The following ADAM17 variants were observed in gnomAD, a reference collection of about 807,000 sequenced individuals.
The protein encoded by ADAM17 is ADAM metallopeptidase domain 17.
ADAM17 carries 39 observed loss-of-function variants against 96.7 expected under a neutral mutation model. That is an observed-to-expected ratio of 0.40 (90% CI 0.31 to 0.53). The LOEUF is 0.53. Among genes scored for constraint, ADAM17 ranks in the 20% least tolerant of loss-of-function variants. The probability of loss-of-function intolerance (pLI) is 0.44; values close to 1 mark genes in which losing one functional copy is unlikely to be tolerated. For synonymous variants in ADAM17, 344 were observed against 359.2 expected (o/e 0.96, Z 0.48); for missense variants, 777 against 1,013.2 (o/e 0.77, Z 3.17).
At position 9,555,623 on chromosome 2, in the gene ADAM17, C is replaced by A. The variant is rs201127286; in HGVS notation, c.-18G>T. ...TGCCTCATGTTCCCGGCCCCGCTAC[C>A]GACTCCACCTCTCTGGGCAGCCTTC... On this transcript the variant is annotated 5_prime_UTR_variant, in exon 1 of 19. Coordinates refer to ENST00000310823, the MANE Select transcript of ADAM17 (RefSeq NM_003183.6). 25 of 1,547,506 alleles carry A rather than the reference C, an allele frequency of 1.6e-5. No individual in the cohort carries two copies. Among genetic ancestry groups the A allele is most frequent in the Non-Finnish European group, 2.2e-5 (25 of 1,143,910 alleles).
intron 8 of ADAM17, among the ~76,000 whole-genome samples, chr2:9,519,963 C>G (rs1396169099): frequency 6.6e-6 from 1 of 152,208 alleles, no homozygotes; most frequent in Non-Finnish European, 1.5e-5. Flanking sequence ...CTCAACCAAC[C>G]TCTCAGGGTG....
chr2:9,511,839 T>A (rs1243749125), intron 10 of ADAM17, among the ~76,000 whole-genome samples: 1 of 151,452 alleles, frequency 6.6e-6, no homozygotes, highest in Non-Finnish European at 1.5e-5. Context: ...GGCATTGTGG[T>A]GGGCGCCTGT....
chr2:9,543,374 T>A (rs918685978), intron 1 of ADAM17, 89 bp from the exon 2 acceptor site: 1 of 1,203,716 alleles, frequency 8.3e-7, no homozygotes, highest in African/African-American at 1.6e-5. Context: ...AATAAATCTT[T>A]CCTGATGTAA....
chr2:9,532,638 A>ATTTTTT (rs70948827), intron 4 of ADAM17, among the ~76,000 whole-genome samples: 7 of 114,264 alleles, frequency 6.1e-5, no homozygotes, highest in African/African-American at 1.4e-4. Flanking sequence ...TGCCCAGCTA[A>ATTTTTT]TTTTTTTTTT....
intron 7 of ADAM17, chr2:9,522,531 T>A (rs1470098613): frequency 2.0e-6 from 1 of 501,788 alleles, no homozygotes; most frequent in Non-Finnish European, 3.6e-6. Flanking sequence ...TTAACATTTA[T>A]AAACATGGTG....
chr2:9,519,600 C>T (rs1462575008), intron 8 of ADAM17, among the ~76,000 whole-genome samples: 1 of 152,072 alleles, frequency 6.6e-6, no homozygotes, highest in African/African-American at 2.4e-5. Flanking sequence ...CAACAGTACC[C>T]CAGAATGTGA....
At chr2:9,506,785 A>T (rs960022507) in intron 11 of ADAM17, 2 of 152,080 alleles carry the variant, frequency 1.3e-5, no homozygotes, top group Non-Finnish European at 2.9e-5. Flanking sequence ...CCATTTTATC[A>T]GGTTAAAATG....
At chr2:9,548,498 AAAAC>A (rs1402519444) in intron 1 of ADAM17, among the ~76,000 whole-genome samples, 2 of 151,856 alleles carry the variant, frequency 1.3e-5, no homozygotes, top group Non-Finnish European at 2.9e-5. Flanking sequence ...AAAAAAAAAG[AAAAC>A]AAAACAAGAG....
chr2:9,516,248 T>G (rs186477160), intron 10 of ADAM17, among the ~76,000 whole-genome samples: 39 of 152,188 alleles, frequency 2.6e-4, no homozygotes, highest in Admixed American at 1.2e-3. Flanking sequence ...AAATTTTTAT[T>G]TATTTATTTA....
In ADAM17 at chr2:9,543,180, G is replaced by A. The variant is rs1302226308; in HGVS notation, c.203C>T (p.Thr68Ile). 1 of 1,597,068 alleles carries A rather than the reference G, an allele frequency of 6.3e-7. No individual in the cohort carries two copies. Among genetic ancestry groups the A allele is most frequent in the Non-Finnish European group, 8.5e-7 (1 of 1,173,276 alleles). The stretch of plus-strand genomic sequence containing the variant: ...TTTCAAAGCTGAAAAAGTTAGTAGT[G>A]TTTCTACATGTGTTGAAGTCTGTAG... ...RDLQTSTHVE[T>I]LLTFSALKRH... The change falls in exon 2 of 19, where the codon ACA becomes ATA. Residue 68 changes from threonine to isoleucine, a missense_variant. By Grantham distance (89) the Thr-to-Ile change is moderately conservative. This residue lies in a region of ADAM17 where 134 missense variants were observed against 129.1 expected (regional missense o/e 1.04). Coordinates refer to ENST00000310823, the MANE Select transcript of ADAM17 (RefSeq NM_003183.6).
At chr2:9,512,773 T>A (rs1233589092) in intron 10 of ADAM17, among the ~76,000 whole-genome samples, 1 of 152,138 alleles carries the variant, frequency 6.6e-6, no homozygotes, top group Non-Finnish European at 1.5e-5. Flanking sequence ...TACACAGTTG[T>A]CATTCGTGCT....
intron 4 of ADAM17, among the ~76,000 whole-genome samples, chr2:9,532,064 T>C (rs1462951149): frequency 1.3e-5 from 2 of 152,232 alleles, no homozygotes; most frequent in East Asian, 1.9e-4. Flanking sequence ...TGAGCTATGA[T>C]GGCACCACTG....
chr2:9,547,996 G>C (rs912924264), intron 1 of ADAM17, among the ~76,000 whole-genome samples: 2 of 152,078 alleles, frequency 1.3e-5, no homozygotes, highest in African/African-American at 2.4e-5. Flanking sequence ...GAGCTCAGGA[G>C]GCAGAGGTTG....
intron 10 of ADAM17, among the ~76,000 whole-genome samples, chr2:9,516,162 C>A (rs1664045456): frequency 6.6e-6 from 1 of 152,172 alleles, no homozygotes; most frequent in Admixed American, 6.5e-5. Context: ...GGTATCTGTT[C>A]TGCTCTTTTG....
intron 8 of ADAM17, among the ~76,000 whole-genome samples, chr2:9,519,761 G>A (rs1400436566): frequency 2.6e-5 from 4 of 151,570 alleles, no homozygotes; most frequent in Non-Finnish European, 5.9e-5. Flanking sequence ...ACAGGGAGAA[G>A]ACAGCATCTA....
At chr2:9,545,566 T>C (rs1279249040) in intron 1 of ADAM17, among the ~76,000 whole-genome samples, 1 of 151,374 alleles carries the variant, frequency 6.6e-6, no homozygotes, top group Non-Finnish European at 1.5e-5. Context: ...CAAGACTCCA[T>C]CTCAAAAAAG....
intron 4 of ADAM17, among the ~76,000 whole-genome samples, 185 bp downstream of exon 4, chr2:9,535,649 A>T (rs1292314626): frequency 6.6e-6 from 1 of 152,250 alleles, no homozygotes; most frequent in Non-Finnish European, 1.5e-5. Context: ...TTAGAAATAC[A>T]GGGTGTATCA....
At chr2:9,518,706 A>C (rs1664180982) in intron 8 of ADAM17, among the ~76,000 whole-genome samples, 1 of 152,224 alleles carries the variant, frequency 6.6e-6, no homozygotes. Flanking sequence ...TCATTTATAT[A>C]AATATACACT....
In ADAM17 at chr2:9,555,560, G is replaced by C. The variant is rs768569416; in HGVS notation, c.46C>G (p.Leu16Val). Residue 16 changes from leucine (L) to valine (V), a missense_variant, in exon 1 of 19, where the codon CTG (leucine) becomes GTG (valine). Physicochemically the swap from Leu to Val is conservative, Grantham distance 32. Transcript: ENST00000310823. Reference sequence around the variant, plus strand: ...GGGTCATCCGGAGGTCGCGGCGCCAGCACGAAAGGAACCACGCTGGTCAGG... The same window carrying C: ...GGGTCATCCGGAGGTCGCGGCGCCACCACGAAAGGAACCACGCTGGTCAGG... Reference protein sequence around the residue: ...LFLTSVVPFVLAPRPPDDPGF... With the variant: ...LFLTSVVPFVVAPRPPDDPGF... 107 of 1,602,444 alleles carry C rather than the reference G, an allele frequency of 6.7e-5. No homozygotes were observed. Among genetic ancestry groups the C allele is most frequent in the Non-Finnish European group, 7.4e-5 (87 of 1,174,462 alleles).
Sources: gnomAD v4.1 joint callset for allele counts (sites outside exome capture counted in the v4.1 genomes callset) on GRCh38, gnomAD v4.1.1 for gene constraint, gnomAD v4.1.1 regional missense constraint, MANE v1.5 for transcripts, NCBI Gene and HGNC (gene_info 2026-07-23, HGNC 2026-07-21) for gene names.